The following STK32B variants were observed in gnomAD, a reference collection of about 807,000 sequenced individuals.
STK32B encodes the protein serine/threonine-protein kinase 32B.
STK32B carries 43 observed loss-of-function variants against 52.6 expected under a neutral mutation model. The observed-to-expected ratio is 0.82, with a 90% CI of 0.64 to 1.05. The LOEUF is 1.05. Among genes scored for constraint, STK32B ranks in the 50% least tolerant of loss-of-function variants. STK32B has a pLI of 0.00. For synonymous variants in STK32B, 238 were observed against 204.3 expected, an observed-to-expected ratio of 1.17 and a Z score of -1.41; for missense variants, 621 against 534.6, an observed-to-expected ratio of 1.16 and a Z score of -1.59.
chr4:5,041,688 A>G, the STK32B span, among the ~76,000 whole-genome samples: 1 of 152,194 alleles, frequency 6.6e-6, no homozygotes, highest in Non-Finnish European at 1.5e-5. Flanking sequence ...CTGCTCTTGA[A>G]GTTATTATTT....
intron 3 of STK32B, among the ~76,000 whole-genome samples, chr4:5,203,581 T>A (rs73797124): frequency 0.036 from 5,502 of 152,270 alleles, 320 homozygotes; most frequent in African/African-American, 0.12. Flanking sequence ...TGTTTCTTAT[T>A]GTGAGTTCCA....
intron 9 of STK32B, among the ~76,000 whole-genome samples, chr4:5,461,133 A>C (rs142453081): frequency 1.3e-5 from 2 of 152,248 alleles, no homozygotes; most frequent in Non-Finnish European, 2.9e-5. Flanking sequence ...ATTGGGATGG[A>C]AATCCTGGGT....
At chr4:5,076,847 A>G (rs959186199) in intron 1 of STK32B, among the ~76,000 whole-genome samples, 4 of 152,192 alleles carry the variant, frequency 2.6e-5, no homozygotes, top group African/African-American at 9.6e-5. Flanking sequence ...TTTATAACTA[A>G]GTCTGGATCA....
Position 5,331,315 on chromosome 4 carries a change from C to G in STK32B, c.356C>G (p.Thr119Arg). 1 of 1,613,976 alleles carries G rather than the reference C, an allele frequency of 6.2e-7. No individual in the cohort carries two copies. The highest frequency in any genetic ancestry group is 8.5e-7 in the Non-Finnish European group (1 of 1,179,924). The change falls in exon 4 of 12, where the codon ACA becomes AGA. Residue 119 changes from threonine (T) to arginine (R), a missense_variant. Transcript: ENST00000282908. The part of the protein sequence containing the change: ...RYHLQQNVHF[T>R]EGTVKLYICE... ...CATCTGCAGCAGAATGTGCATTTCA[C>G]AGAGGGGACTGTGAAACTCTACATC...
rs1283317575 is a variant in STK32B, at chr4:5,400,670, G to A, written c.472+2426G>A. Reference sequence around the variant, plus strand: ...GAGCAGGGAATTCCGCTCAGAAAAAGAAGAGTCTCCTTTCTGGGGAGAGAA... The same window carrying A: ...GAGCAGGGAATTCCGCTCAGAAAAAAAAGAGTCTCCTTTCTGGGGAGAGAA... On this transcript the variant is annotated intron_variant, in intron 5 of 11. Coordinates refer to ENST00000282908, the MANE Select transcript of STK32B (RefSeq NM_018401.3). The surrounding 1 kb of genome is among the most constrained non-coding windows in gnomAD (Gnocchi z 6.1). Among the ~76,000 whole-genome samples, 1 of 152,202 alleles carries A rather than the reference G, an allele frequency of 6.6e-6. No individual in the cohort carries two copies. Among genetic ancestry groups the A allele is most frequent in the African/African-American group, 2.4e-5 (1 of 41,454 alleles).
chr4:5,127,889 A>C (rs142611057), intron 1 of STK32B, among the ~76,000 whole-genome samples: 187 of 151,516 alleles, frequency 1.2e-3, no homozygotes, highest in African/African-American at 4.3e-3. Flanking sequence ...AATAAGTCTC[A>C]CGAGATCTGA....
At position 5,230,178 on chromosome 4, in the gene STK32B, C is replaced by CTTTTTTTTTTTTTTTTTTTT. The variant is rs752036100; in HGVS notation, c.260+61740_260+61759dup. Among the ~76,000 whole-genome samples, 52 of 71,122 alleles carry CTTTTTTTTTTTTTTTTTTTT rather than the reference C, an allele frequency of 7.3e-4. 3 individuals are homozygous for CTTTTTTTTTTTTTTTTTTTT. The highest frequency in any genetic ancestry group is 3.4e-3 in the African/African-American group (44 of 12,902). The allele number at this position is 71,122 out of a possible 152,430, so 46.7% of individuals were successfully genotyped here. On this transcript the variant is annotated intron_variant, in intron 3 of 11. Transcript: ENST00000282908. ...AGAAGAACACTCAAGCATGCATTCC[C>CTTTTTTTTTTTTTTTTTTTT]TTTTTTTTTTTTTTTTTTTTTTTTT... is the stretch of plus-strand genomic sequence containing the variant.
At chr4:5,110,166 G>T (rs1347670791) in intron 1 of STK32B, among the ~76,000 whole-genome samples, 1 of 149,198 alleles carries the variant, frequency 6.7e-6, no homozygotes, top group East Asian at 2.0e-4. Context: ...TCATTAAAAT[G>T]ACCATATAGC....
the STK32B span, among the ~76,000 whole-genome samples, chr4:5,024,981 A>C: frequency 6.6e-6 from 1 of 152,104 alleles, no homozygotes; most frequent in African/African-American, 2.4e-5. Flanking sequence ...GTTGCTGTAA[A>C]ATGCTCAGGC....
At chr4:5,415,037 C>G (rs757840755) in intron 5 of STK32B, among the ~76,000 whole-genome samples, 6 of 152,164 alleles carry the variant, frequency 3.9e-5, no homozygotes, top group Non-Finnish European at 7.3e-5. Flanking sequence ...ATACACTCAC[C>G]TTCACATGCC....
intron 3 of STK32B, among the ~76,000 whole-genome samples, chr4:5,199,172 C>T (rs1039968265): frequency 1.3e-5 from 2 of 152,090 alleles, no homozygotes; most frequent in Admixed American, 6.5e-5. Context: ...GCCACAATTC[C>T]AGCTAAAGGT....
chr4:5,363,968 T>G (rs1734706920), intron 4 of STK32B, among the ~76,000 whole-genome samples: 2 of 152,174 alleles, frequency 1.3e-5, no homozygotes, highest in Non-Finnish European at 2.9e-5. Context: ...AGGTTAAGGT[T>G]CTGTCAATAT....
rs146821362 is a variant in STK32B at position 5,255,625 on chromosome 4, C to G, written c.261-75595C>G. On this transcript the variant is annotated intron_variant, in intron 3 of 11. Transcript: ENST00000282908. ...ACTACTGCTATTCCAATCTCTAACA[C>G]AAGCCATCTGCGTAACCTCTTTTTA... Among the ~76,000 whole-genome samples, 355 of 152,198 alleles carry G rather than the reference C, an allele frequency of 2.3e-3. 1 individual carries two copies. The highest frequency in any genetic ancestry group is 0.01 in the Middle Eastern group (3 of 294).
At chr4:5,071,557 A>G (rs1711777723) in intron 1 of STK32B, among the ~76,000 whole-genome samples, 1 of 152,196 alleles carries the variant, frequency 6.6e-6, no homozygotes, top group Non-Finnish European at 1.5e-5. Flanking sequence ...CACTTTCCAA[A>G]CAAAATCGAA....
intron 9 of STK32B, among the ~76,000 whole-genome samples, chr4:5,465,472 C>T (rs993104781): frequency 4.6e-5 from 7 of 152,102 alleles, no homozygotes; most frequent in Non-Finnish European, 8.8e-5. Flanking sequence ...AAGACAAGTT[C>T]AGCTTTAGGT....
intron 1 of STK32B, among the ~76,000 whole-genome samples, chr4:5,102,444 C>G (rs1042397873): frequency 1.6e-4 from 8 of 49,668 alleles, no homozygotes; most frequent in South Asian, 1.4e-3. Context: ...TTGCTTCCTT[C>G]CTTCCTTCCT....
intron 4 of STK32B, among the ~76,000 whole-genome samples, chr4:5,340,023 A>G (rs11944145): frequency 0.028 from 4,287 of 152,288 alleles, 177 homozygotes; most frequent in African/African-American, 0.09. Context: ...AGTGACTTCA[A>G]TAGTGCCCAA....
intron 3 of STK32B, among the ~76,000 whole-genome samples, chr4:5,175,571 A>C (rs1248161539): frequency 6.6e-6 from 1 of 152,246 alleles, no homozygotes; most frequent in Non-Finnish European, 1.5e-5. Flanking sequence ...GGTCCACTCC[A>C]GACCCCGTTT....
intron 3 of STK32B, among the ~76,000 whole-genome samples, chr4:5,189,548 G>T (rs1043753365): frequency 6.6e-6 from 1 of 152,126 alleles, no homozygotes; most frequent in Non-Finnish European, 1.5e-5. Flanking sequence ...TTATTTACCT[G>T]GTAGCCTACC....
Sources: allele counts gnomAD v4.1 joint callset (sites outside exome capture counted in the v4.1 genomes callset), GRCh38; gene constraint gnomAD v4.1.1; non-coding constraint Gnocchi (gnomAD v3.1); transcripts MANE v1.5; gene names NCBI Gene and HGNC (gene_info 2026-07-23, HGNC 2026-07-21).